Variants in SCFD1 observed in about 807,000 individuals in gnomAD.
SCFD1 encodes sec1 family domain containing 1.
Under a neutral mutation model 103.2 loss-of-function variants are expected in SCFD1, and 37 were observed. That is an observed-to-expected ratio of 0.36 (90% confidence interval 0.28 to 0.47). The LOEUF is 0.47. Ranked by LOEUF, SCFD1 falls within the 20% of genes least tolerant of loss-of-function variation. SCFD1 has a pLI of 1.00. For synonymous variants in SCFD1, 264 were observed against 245.0 expected (o/e 1.08, Z -0.73); for missense variants, 639 against 761.2 (o/e 0.84, Z 1.89).
intron 17 of SCFD1, among the ~76,000 whole-genome samples, chr14:30,704,790 G>A (rs1028093120): frequency 1.3e-5 from 2 of 152,046 alleles, no homozygotes; most frequent in African/African-American, 4.8e-5. Context: ...ATACTGACTG[G>A]CATAAAATGT....
chr14:30,624,844 C>G lies in SCFD1; in HGVS notation c.61+2445C>G, dbSNP rs1305255767. ...TTCTCTTCCCTCTCCTTGAACCCAC[C>G]AGGAATGCTCCCACCTTCGAGCCTT... On this transcript the variant is annotated intron_variant, in intron 1 of 24. Transcript: ENST00000458591. 2.0e-5 allele frequency among the ~76,000 whole-genome samples: 3 copies of G among 152,086 alleles called. No individual in the cohort carries two copies. The East Asian group carries it at 5.8e-4, about 29-fold the overall frequency.
chr14:30,669,058 G>A (rs1446160390), intron 10 of SCFD1, among the ~76,000 whole-genome samples: 1 of 151,350 alleles, frequency 6.6e-6, no homozygotes, highest in African/African-American at 2.4e-5. Flanking sequence ...TGGGTATGTA[G>A]ACATCTGTAA....
At chr14:30,697,293 A>G (rs1229257940) in intron 15 of SCFD1, among the ~76,000 whole-genome samples, 1 of 152,160 alleles carries the variant, frequency 6.6e-6, no homozygotes, top group Non-Finnish European at 1.5e-5. Flanking sequence ...AAAATGATGG[A>G]ACTTGTCAAA....
intron 9 of SCFD1, among the ~76,000 whole-genome samples, chr14:30,653,037 C>T (rs1886551201): frequency 6.6e-6 from 1 of 152,078 alleles, no homozygotes; most frequent in South Asian, 2.1e-4. Context: ...AATTTATAAT[C>T]TGGCATCATA....
chr14:30,726,141 CA>C (rs1309364123), intron 23 of SCFD1, among the ~76,000 whole-genome samples: 3 of 152,050 alleles, frequency 2.0e-5, no homozygotes, highest in African/African-American at 7.2e-5. Flanking sequence ...AACAGAAAAA[CA>C]AGAAGATAAA....
At chr14:30,650,138 CTTCTTTCATATA>C (rs1180037273) in intron 8 of SCFD1, among the ~76,000 whole-genome samples, 1 of 152,132 alleles carries the variant, frequency 6.6e-6, no homozygotes, top group African/African-American at 2.4e-5. Flanking sequence ...GGAAGACTGC[CTTCTTTCATATA>C]TTCCATTTCT....
intron 10 of SCFD1, 66 bp from the exon 11 acceptor site, chr14:30,670,190 G>A: frequency 1.6e-6 from 2 of 1,287,038 alleles, no homozygotes; most frequent in Non-Finnish European, 2.2e-6. Context: ...ATTAGAAAGG[G>A]CAACAAGATT....
chr14:30,707,942 AG>A, intron 18 of SCFD1, 47 bp from the exon 19 acceptor site: 1 of 1,220,658 alleles, frequency 8.2e-7, no homozygotes, highest in Non-Finnish European at 1.2e-6. Context: ...AACAGATTGG[AG>A]AGGCACTTTG....
At chr14:30,627,101 A>G (rs1260056138) in intron 1 of SCFD1, among the ~76,000 whole-genome samples, 1 of 152,202 alleles carries the variant, frequency 6.6e-6, no homozygotes, top group African/African-American at 2.4e-5. Flanking sequence ...AAGAAATTAC[A>G]ACTAGTATAC....
At chr14:30,639,325 T>A (rs1243858125) in intron 5 of SCFD1, among the ~76,000 whole-genome samples, 3 of 152,196 alleles carry the variant, frequency 2.0e-5, no homozygotes, top group African/African-American at 4.8e-5. Flanking sequence ...TTCAAATAGT[T>A]CTCTTAATTT....
chr14:30,643,980 C>G (rs1285525349), intron 7 of SCFD1: 1 of 456,518 alleles, frequency 2.2e-6, no homozygotes, highest in South Asian at 1.5e-5. Flanking sequence ...GGCATGGTAC[C>G]TGATAGGGAG....
At chr14:30,657,952 G>T in intron 10 of SCFD1, 1 of 345,038 alleles carries the variant, frequency 2.9e-6, no homozygotes, top group Non-Finnish European at 5.8e-6. Context: ...TTTTAAACGG[G>T]AAATACACAC....
chr14:30,705,972 TTGAA>T (rs1230796068), intron 18 of SCFD1, 87 bp downstream of exon 18: 11 of 1,035,360 alleles, frequency 1.1e-5, no homozygotes, highest in Non-Finnish European at 1.6e-5. Context: ...GTCTGATACT[TTGAA>T]TGCGGAAAAT....
chr14:30,728,367 G>A (rs1893199373), intron 23 of SCFD1, among the ~76,000 whole-genome samples: 1 of 152,202 alleles, frequency 6.6e-6, no homozygotes, highest in South Asian at 2.1e-4. Context: ...CTGCAGTAAA[G>A]TGAGTTTCTT....
chr14:30,676,327 C>A (rs1230952271), intron 14 of SCFD1: 1 of 152,174 alleles, frequency 6.6e-6, no homozygotes, highest in Non-Finnish European at 1.5e-5. Context: ...CAGACAAGTT[C>A]TCTGTTCTCT....
At chr14:30,675,566 A>G (rs1410492396) in intron 14 of SCFD1, among the ~76,000 whole-genome samples, 1 of 152,158 alleles carries the variant, frequency 6.6e-6, no homozygotes, top group Admixed American at 6.5e-5. Context: ...ATATATTGTT[A>G]TAGTTCTTTT....
intron 14 of SCFD1, 48 bp downstream of exon 14, chr14:30,675,113 G>T: frequency 1.0e-6 from 1 of 999,182 alleles, no homozygotes. Context: ...ATTTACATAG[G>T]GTTTTATACT....
In SCFD1 at chr14:30,675,071, TTTAAC is replaced by T. The variant is rs766088699; in HGVS notation, c.1242+9_1242+13del. On this transcript the variant is annotated splice_region_variant and intron_variant, in intron 14 of 24. Coordinates refer to ENST00000458591, the MANE Select transcript of SCFD1 (RefSeq NM_016106.4). Reference sequence around the variant, plus strand: ...CTGTTTTAGAACATATAAAGGTAAATTTAACTTTTTCCCCCCCACAATATGACTTG... The same window carrying T: ...CTGTTTTAGAACATATAAAGGTAAATTTTTTCCCCCCCACAATATGACTTG... 6.6e-5 allele frequency: 100 copies of T among 1,520,884 alleles called. No homozygotes were observed. In the Middle Eastern group the frequency reaches 1.4e-3, roughly 21 times the overall value. The allele number at this position is 1,520,884 out of a possible 1,614,324, so 94.2% of individuals were successfully genotyped here.
intron 11 of SCFD1, 76 bp downstream of exon 11, chr14:30,670,471 G>A: frequency 8.8e-7 from 1 of 1,135,196 alleles, no homozygotes. Flanking sequence ...TAATGAATTT[G>A]AGAAAAAAAA....
Sources: allele counts gnomAD v4.1 joint callset (sites outside exome capture counted in the v4.1 genomes callset), GRCh38; gene constraint gnomAD v4.1.1; transcripts MANE v1.5; gene names NCBI Gene and HGNC (gene_info 2026-07-23, HGNC 2026-07-21).